Variants in KCNQ5 observed in about 807,000 individuals in gnomAD.
The protein encoded by KCNQ5 is potassium voltage-gated channel subfamily Q member 5.
Under a neutral mutation model 98.2 loss-of-function variants are expected in KCNQ5, and 30 were observed. That is an observed-to-expected ratio of 0.31 (90% confidence interval 0.23 to 0.41). The LOEUF is 0.41. Ranked by LOEUF, KCNQ5 falls within the 10% of genes least tolerant of loss-of-function variation. The probability of loss-of-function intolerance (pLI) is 1.00; values close to 1 mark genes in which losing one functional copy is unlikely to be tolerated. For missense variants in KCNQ5, 835 were observed against 1,182.5 expected (o/e 0.71, Z 4.31); for synonymous variants, 458 against 449.4 (o/e 1.02, Z -0.24).
chr6:72,980,088 A>G (rs1461199611), intron 1 of KCNQ5, among the ~76,000 whole-genome samples: 2 of 152,288 alleles, frequency 1.3e-5, no homozygotes, highest in African/African-American at 2.4e-5. Flanking sequence ...GCCTTGTAGT[A>G]TAGTTTCAAG....
At chr6:72,898,484 G>A (rs1225856911) in intron 1 of KCNQ5, among the ~76,000 whole-genome samples, 1 of 152,100 alleles carries the variant, frequency 6.6e-6, no homozygotes, top group Non-Finnish European at 1.5e-5. Flanking sequence ...CTTCATCTAT[G>A]TCTCTGCAAA....
intron 5 of KCNQ5, among the ~76,000 whole-genome samples, chr6:73,086,791 T>C (rs1051901958): frequency 2.0e-5 from 3 of 152,142 alleles, no homozygotes; most frequent in South Asian, 4.2e-4. Context: ...AGCTGTAATA[T>C]AGAGTAATCA....
intron 6 of KCNQ5, among the ~76,000 whole-genome samples, chr6:73,107,593 G>T (rs994765770): frequency 6.6e-6 from 1 of 152,136 alleles, no homozygotes; most frequent in African/African-American, 2.4e-5. Flanking sequence ...CTGGAAGTTG[G>T]CTGCACCCAG....
At chr6:72,948,450 C>A (rs1233255308) in intron 1 of KCNQ5, among the ~76,000 whole-genome samples, 1 of 151,868 alleles carries the variant, frequency 6.6e-6, no homozygotes, top group Non-Finnish European at 1.5e-5. Context: ...GTTTTGGCTT[C>A]CTTTCTCTCT....
At chr6:72,913,193 T>A (rs1780010402) in intron 1 of KCNQ5, among the ~76,000 whole-genome samples, 1 of 152,180 alleles carries the variant, frequency 6.6e-6, no homozygotes, top group African/African-American at 2.4e-5. Flanking sequence ...TCTTTCCAAT[T>A]TCTATTTTTT....
intron 1 of KCNQ5, among the ~76,000 whole-genome samples, chr6:72,685,911 C>G (rs998608993): frequency 6.6e-6 from 1 of 152,148 alleles, no homozygotes; most frequent in Non-Finnish European, 1.5e-5. Context: ...AGTCCTAGAT[C>G]AAGATGCCAA....
At chr6:72,829,830 T>C (rs775265778) in intron 1 of KCNQ5, among the ~76,000 whole-genome samples, 30 of 152,168 alleles carry the variant, frequency 2.0e-4, no homozygotes, top group Non-Finnish European at 4.3e-4. Flanking sequence ...AAGAGAGTAG[T>C]GGGAAAGTGG....
chr6:72,925,280 AGCT>A (rs1562071507), intron 1 of KCNQ5, among the ~76,000 whole-genome samples: 1 of 152,204 alleles, frequency 6.6e-6, no homozygotes, highest in Non-Finnish European at 1.5e-5. Context: ...AATCTAGATG[AGCT>A]TACAGATGGA....
intron 11 of KCNQ5, among the ~76,000 whole-genome samples, chr6:73,180,089 A>G (rs1039443054): frequency 1.3e-5 from 2 of 152,240 alleles, no homozygotes; most frequent in African/African-American, 4.8e-5. Flanking sequence ...GCTTATCTAG[A>G]GAGCTCCAAG....
At chr6:72,806,560 G>A (rs1011330190) in intron 1 of KCNQ5, among the ~76,000 whole-genome samples, 1 of 152,152 alleles carries the variant, frequency 6.6e-6, no homozygotes, top group Non-Finnish European at 1.5e-5. Flanking sequence ...ACGAAGTAAG[G>A]CAATAAGCAG....
At chr6:72,687,162 C>T (rs1006124110) in intron 1 of KCNQ5, among the ~76,000 whole-genome samples, 1 of 152,136 alleles carries the variant, frequency 6.6e-6, no homozygotes, top group African/African-American at 2.4e-5. Flanking sequence ...TACCAAGATC[C>T]TCCAAGGCTG....
Position 72,622,686 on chromosome 6 carries a change from G to T in KCNQ5, c.398+99G>T. Reference sequence around the variant, plus strand: ...CTCGCGCCCTTGGGCCCCCGCGCGCGTGCACACGTGGTGGCTTTTATTTCT... The same window carrying T: ...CTCGCGCCCTTGGGCCCCCGCGCGCTTGCACACGTGGTGGCTTTTATTTCT... On this transcript the variant is annotated intron_variant, in intron 1 of 13. Transcript: ENST00000370398. This position sits in a 1 kb window ranked among gnomAD's most constrained non-coding sequence, Gnocchi z 6.0. 4 of 1,341,258 alleles carry T rather than the reference G, an allele frequency of 3.0e-6. No individual in the cohort carries two copies. The highest frequency in any genetic ancestry group is 2.5e-5 in the East Asian group (1 of 39,756). The allele number at this position is 1,341,258 out of a possible 1,614,324, so 83.1% of individuals were successfully genotyped here.
chr6:73,128,308 T>C (rs998255000), intron 9 of KCNQ5, among the ~76,000 whole-genome samples: 1 of 152,224 alleles, frequency 6.6e-6, no homozygotes, highest in African/African-American at 2.4e-5. Context: ...ACAGTACTAA[T>C]CTCATATATG....
intron 1 of KCNQ5, among the ~76,000 whole-genome samples, chr6:72,823,022 A>G (rs1422521749): frequency 6.6e-6 from 1 of 152,086 alleles, no homozygotes; most frequent in Non-Finnish European, 1.5e-5. Flanking sequence ...TTGATCATAT[A>G]GGATAATCAA....
At chr6:72,661,498 G>C (rs1766522641) in intron 1 of KCNQ5, among the ~76,000 whole-genome samples, 1 of 152,010 alleles carries the variant, frequency 6.6e-6, no homozygotes, top group Non-Finnish European at 1.5e-5. Flanking sequence ...TAACATAATT[G>C]AGAATACATA....
intron 1 of KCNQ5, among the ~76,000 whole-genome samples, chr6:72,929,313 A>T (rs1455207019): frequency 1.3e-5 from 2 of 152,128 alleles, no homozygotes; most frequent in African/African-American, 4.8e-5. Flanking sequence ...ACAGAAAAAA[A>T]TTAAAGTTCG....
chr6:73,039,787 T>G (rs1180464784), intron 2 of KCNQ5, among the ~76,000 whole-genome samples: 1 of 152,214 alleles, frequency 6.6e-6, no homozygotes, highest in African/African-American at 2.4e-5. Context: ...TGTATTCTGC[T>G]GATGTTGGGT....
chr6:72,966,079 C>T (rs577686427), intron 1 of KCNQ5, among the ~76,000 whole-genome samples: 2 of 152,188 alleles, frequency 1.3e-5, no homozygotes, highest in Admixed American at 1.3e-4. Context: ...GGTCCTGAAG[C>T]CAAATACAGA....
chr6:72,774,121 G>T (rs1226390239), intron 1 of KCNQ5, among the ~76,000 whole-genome samples: 6 of 152,110 alleles, frequency 3.9e-5, no homozygotes, highest in Admixed American at 3.9e-4. Flanking sequence ...AATTCTAGAT[G>T]AATTGCAAAT....
Sources: allele counts gnomAD v4.1 joint callset (sites outside exome capture counted in the v4.1 genomes callset), GRCh38; gene constraint gnomAD v4.1.1; non-coding constraint Gnocchi (gnomAD v3.1); transcripts MANE v1.5; gene names NCBI Gene and HGNC (gene_info 2026-07-23, HGNC 2026-07-21).